The following CFAP210 variants were observed in gnomAD, a reference collection of about 807,000 sequenced individuals.
CFAP210 encodes cilia- and flagella- associated protein 210.
At chr2:169,649,401 G>A in the CFAP210 span, 4 of 1,486,686 alleles carry the variant, frequency 2.7e-6, no homozygotes, top group Non-Finnish European at 3.7e-6. Context: ...AACCAGTCTT[G>A]TCTGAAAAGG....
the CFAP210 span, among the ~76,000 whole-genome samples, chr2:169,668,115 G>T: frequency 3.9e-5 from 6 of 152,176 alleles, no homozygotes; most frequent in Non-Finnish European, 1.5e-5. Context: ...AGATCTTCTG[G>T]ATAACTTGCT....
At chr2:169,649,547 C>T in the CFAP210 span, among the ~76,000 whole-genome samples, 1 of 152,042 alleles carries the variant, frequency 6.6e-6, no homozygotes, top group Non-Finnish European at 1.5e-5. Flanking sequence ...TCAGAAAATA[C>T]CCAAGTGCTA....
the CFAP210 span, among the ~76,000 whole-genome samples, chr2:169,656,058 G>C: frequency 1.3e-5 from 2 of 152,196 alleles, no homozygotes. Context: ...AAACTGTTAA[G>C]TGGGACTTCT....
the CFAP210 span, chr2:169,674,865 A>T: frequency 6.6e-7 from 1 of 1,509,876 alleles, no homozygotes; most frequent in Non-Finnish European, 8.8e-7. Flanking sequence ...CTCAAGTAGT[A>T]CATGAAAGTT....
chr2:169,676,254 T>G, the CFAP210 span, among the ~76,000 whole-genome samples: 43 of 152,264 alleles, frequency 2.8e-4, 1 homozygote, highest in African/African-American at 1.0e-3. Flanking sequence ...ATATCATAGT[T>G]TTTACTACTA....
At chr2:169,693,804 CT>C in the CFAP210 span, among the ~76,000 whole-genome samples, 1 of 152,092 alleles carries the variant, frequency 6.6e-6, no homozygotes, top group South Asian at 2.1e-4. Flanking sequence ...CCTTCAGAGA[CT>C]TTTAGTAAAG....
At chr2:169,654,034 A>C in the CFAP210 span, 1 of 1,533,318 alleles carries the variant, frequency 6.5e-7, no homozygotes, top group African/African-American at 1.4e-5. Context: ...AATCATAATA[A>C]TTTCAGATAG....
At chr2:169,650,475 G>A in the CFAP210 span, 2 of 1,594,706 alleles carry the variant, frequency 1.3e-6, no homozygotes, top group Non-Finnish European at 1.7e-6. Context: ...TCTTTCAACA[G>A]TTCACTCAGG....
the CFAP210 span, among the ~76,000 whole-genome samples, chr2:169,672,723 G>A: frequency 6.6e-6 from 1 of 152,138 alleles, no homozygotes; most frequent in Non-Finnish European, 1.5e-5. Flanking sequence ...GCCGGCAGCC[G>A]ACTGGATGGT....
At chr2:169,658,922 TG>T in the CFAP210 span, 1 of 168,592 alleles carries the variant, frequency 5.9e-6, no homozygotes, top group Non-Finnish European at 1.3e-5. Flanking sequence ...CCTCAGGAGT[TG>T]GAGACCAGCC....
the CFAP210 span, among the ~76,000 whole-genome samples, chr2:169,681,602 G>C: frequency 6.6e-6 from 1 of 152,144 alleles, no homozygotes; most frequent in East Asian, 1.9e-4. Context: ...GGATAACTTT[G>C]TGGGTGGGTG....
chr2:169,666,798 A>G, the CFAP210 span, among the ~76,000 whole-genome samples: 1 of 152,092 alleles, frequency 6.6e-6, no homozygotes, highest in Non-Finnish European at 1.5e-5. Context: ...TTATCAACTA[A>G]GTTTATATAA....
the CFAP210 span, among the ~76,000 whole-genome samples, chr2:169,669,472 T>C: frequency 6.6e-6 from 1 of 152,120 alleles, no homozygotes; most frequent in Admixed American, 6.6e-5. Flanking sequence ...AAGAAGAATT[T>C]GGCAAATAAA....
the CFAP210 span, among the ~76,000 whole-genome samples, chr2:169,689,192 T>C: frequency 2.6e-5 from 4 of 152,178 alleles, no homozygotes; most frequent in Non-Finnish European, 5.9e-5. Context: ...CCACAACTCA[T>C]GGGAATTTTG....
the CFAP210 span, among the ~76,000 whole-genome samples, chr2:169,653,062 A>ATG: frequency 5.1e-5 from 5 of 98,532 alleles, no homozygotes; most frequent in African/African-American, 7.9e-5. Context: ...ATATATATAT[A>ATG]TATATGTATG....
chr2:169,671,360 G>A, the CFAP210 span, among the ~76,000 whole-genome samples: 1 of 152,036 alleles, frequency 6.6e-6, no homozygotes, highest in African/African-American at 2.4e-5. Flanking sequence ...CTCTAGACTG[G>A]GTCAGATACT....
At chr2:169,686,268 T>C in the CFAP210 span, among the ~76,000 whole-genome samples, 3 of 152,058 alleles carry the variant, frequency 2.0e-5, no homozygotes, top group East Asian at 5.9e-4. Flanking sequence ...TTCAAAATTG[T>C]TTTAGCTATT....
chr2:169,660,214 T>C, the CFAP210 span, among the ~76,000 whole-genome samples: 4 of 151,828 alleles, frequency 2.6e-5, no homozygotes, highest in Non-Finnish European at 4.4e-5. Flanking sequence ...TGGTGAAATC[T>C]TGTCTCTACT....
At chr2:169,647,739 T>TATCA in the CFAP210 span, among the ~76,000 whole-genome samples, 1 of 152,224 alleles carries the variant, frequency 6.6e-6, no homozygotes, top group Non-Finnish European at 1.5e-5. Flanking sequence ...TCAAAGATAC[T>TATCA]ATCAATGGAG....
Sources: gnomAD v4.1 joint callset for allele counts (sites outside exome capture counted in the v4.1 genomes callset) on GRCh38, gnomAD v4.1.1 for gene constraint, MANE v1.5 for transcripts, NCBI Gene and HGNC (gene_info 2026-07-23, HGNC 2026-07-21) for gene names.